TMEM223: variants seen among roughly 807,000 people sequenced by gnomAD.
TMEM223 encodes transmembrane protein 223.
In TMEM223, 14 loss-of-function variants were observed where a neutral mutation model predicts 14.1. The observed-to-expected ratio is 0.99, with a 90% CI of 0.66 to 1.55. TMEM223 has a LOEUF of 1.55. Among genes scored for constraint, TMEM223 ranks in the 40% most tolerant of loss-of-function variants. TMEM223 has a pLI of 0.00. For missense variants in TMEM223, 346 were observed against 269.9 expected, an observed-to-expected ratio of 1.28 and a Z score of -1.97; for synonymous variants, 145 against 120.5, an observed-to-expected ratio of 1.20 and a Z score of -1.33.
At chr11:62,791,115 T>C (rs1207478422) in intron 1 of TMEM223, among the ~76,000 whole-genome samples, 200 bp from the exon 2 acceptor site, 1 of 152,114 alleles carries the variant, frequency 6.6e-6, no homozygotes, top group Non-Finnish European at 1.5e-5. Context: ...ATCTTGTTAT[T>C]CCTCCCAACA....
At chr11:62,786,762 C>T (rs935311519), downstream of TMEM223, 5 of 1,612,804 alleles carry the variant, frequency 3.1e-6, no homozygotes, top group African/African-American at 2.7e-5. Flanking sequence ...GGGAGCTCTA[C>T]GCCTTCTTCG....
chr11:62,781,836 G>A (rs947925940), intron 1 of TMEM223: 72 of 1,388,718 alleles, frequency 5.2e-5, no homozygotes, highest in East Asian at 3.2e-4. Flanking sequence ...GAAGAATACC[G>A]CATTCATGTT....
chr11:62,777,927 G>A (rs188864436), intron 1 of TMEM223: 12 of 1,599,316 alleles, frequency 7.5e-6, no homozygotes, highest in Middle Eastern at 1.7e-4. Context: ...GGATCCTGAC[G>A]CCTGCTCCCT....
chr11:62,780,109 A>G (rs1159211148), intron 1 of TMEM223, among the ~76,000 whole-genome samples: 1 of 150,048 alleles, frequency 6.7e-6, no homozygotes, highest in Admixed American at 6.6e-5. Context: ...ACTTGAAGTC[A>G]GGAGTTCGAG....
chr11:62,778,970 G>A (rs376177697), intron 1 of TMEM223: 69 of 1,612,500 alleles, frequency 4.3e-5, no homozygotes, highest in Non-Finnish European at 5.3e-5. Context: ...GAAGGTGAGC[G>A]AGTGGGCCCA....
Position 62,791,671 on chromosome 11 carries a change from C to T in TMEM223, c.316+8G>A, listed in dbSNP as rs370034485. ...GTTGTCACAGTGGGAAGCCAGCCCA[C>T]GTCTTACCGATGGCGCCGCAGCCGA... On this transcript the variant is annotated splice_region_variant and intron_variant, in intron 1 of 1. Transcript: ENST00000307366. 3 of 1,524,608 alleles carry T rather than the reference C, an allele frequency of 2.0e-6. No individual in the cohort carries two copies. Among genetic ancestry groups the T allele is most frequent in the Non-Finnish European group, 2.6e-6 (3 of 1,135,988 alleles). 94.4% of individuals were successfully genotyped at this position (1,524,608 alleles called of 1,614,324 possible). A position where few individuals can be genotyped will look rare whatever the true frequency, so the allele number is the denominator to read the frequency against.
At chr11:62,776,095 G>A (rs553518735) in intron 1 of TMEM223, among the ~76,000 whole-genome samples, 127 of 152,328 alleles carry the variant, frequency 8.3e-4, no homozygotes, top group African/African-American at 3.0e-3. Context: ...TGGGCTTCCA[G>A]CAGACAAAGC....
chr11:62,772,246 G>T (rs2084154112), intron 2 of TMEM223: 4 of 413,298 alleles, frequency 9.7e-6, no homozygotes, highest in South Asian at 6.9e-5. Context: ...TCGTGGCCGG[G>T]CGCGGTGGCT....
chr11:62,772,024 T>G (rs1372244311), exon 3 of TMEM223: 3 of 450,782 alleles, frequency 6.7e-6, no homozygotes, highest in East Asian at 7.0e-5. Flanking sequence ...GAGTAAAGAT[T>G]AGGAGCAAGG....
At chr11:62,786,161 C>A, downstream of TMEM223, 1 of 1,463,584 alleles carries the variant, frequency 6.8e-7, no homozygotes, top group Non-Finnish European at 9.3e-7. Flanking sequence ...TGAGCCCTGT[C>A]TAGGATCAGA....
chr11:62,788,138 C>CA (rs1565192788), downstream of TMEM223, among the ~76,000 whole-genome samples: 2 of 152,258 alleles, frequency 1.3e-5, no homozygotes, highest in Non-Finnish European at 2.9e-5. Flanking sequence ...CGCGGTGACT[C>CA]ACGCCTGTAA....
downstream of TMEM223, chr11:62,786,784 G>T (rs1468625113): frequency 4.3e-6 from 7 of 1,611,750 alleles, no homozygotes; most frequent in Non-Finnish European, 5.1e-6. Context: ...TGACAGCTTG[G>T]CCACACGCTT....
chr11:62,786,535 C>G (rs749550969), downstream of TMEM223: 1 of 1,552,286 alleles, frequency 6.4e-7, no homozygotes, highest in South Asian at 1.2e-5. Flanking sequence ...AGAGCGACTG[C>G]TGAAGATGAA....
downstream of TMEM223, chr11:62,787,415 C>T (rs1358360835): frequency 2.6e-6 from 4 of 1,557,546 alleles, no homozygotes; most frequent in South Asian, 3.5e-5. Flanking sequence ...GCGGCGCTTC[C>T]TGGTGGTCAG....
At chr11:62,774,560 G>A (rs766930480) in intron 2 of TMEM223, 3 of 454,518 alleles carry the variant, frequency 6.6e-6, no homozygotes, top group Non-Finnish European at 1.3e-5. Context: ...CCTGTCTGAG[G>A]TGTGGATGCA....
chr11:62,778,857 G>GT, intron 1 of TMEM223: 1 of 1,613,186 alleles, frequency 6.2e-7, no homozygotes, highest in Non-Finnish European at 8.5e-7. Context: ...CTTCCTGCCT[G>GT]TCCTCTGGCA....
In TMEM223 at chr11:62,791,931, A is replaced by C; in HGVS notation, c.64T>G (p.Cys22Gly). ...LLAVLRPLLT[C>G]RPLQGTTLQR... is the part of the protein sequence containing the mutation. ...AGCGTCGTGCCTTGCAGGGGCCGGCAGGTGAGCAGGGGCCGCAGCACGGCT... is the reference window on the plus strand; with the variant it reads ...AGCGTCGTGCCTTGCAGGGGCCGGCCGGTGAGCAGGGGCCGCAGCACGGCT... Residue 22 changes from cysteine (C) to glycine (G), a missense_variant, in exon 1 of 2, where the codon TGC becomes GGC. Cys to Gly is a radical substitution (Grantham distance 159). Coordinates refer to ENST00000307366, the MANE Select transcript of TMEM223 (RefSeq NM_001080501.3). 1.3e-6 allele frequency: 2 copies of C among 1,597,118 alleles called. No individual in the cohort carries two copies. Among genetic ancestry groups the C allele is most frequent in the Non-Finnish European group, 1.7e-6 (2 of 1,172,312 alleles).
chr11:62,790,567 C>T lies in TMEM223; in HGVS notation c.*56G>A. On this transcript the variant is annotated 3_prime_UTR_variant, in exon 2 of 2. Transcript: ENST00000307366. ...GGTGTGAACCAACACACCTGGCTCC[C>T]CAAGGTTCAGTTTTTATCCTCCTCT... 1 of 1,504,814 alleles carries T rather than the reference C, an allele frequency of 6.6e-7. No individual in the cohort carries two copies. The highest frequency in any genetic ancestry group is 9.0e-7 in the Non-Finnish European group (1 of 1,112,292). 93.2% of individuals were successfully genotyped at this position (1,504,814 alleles called of 1,614,324 possible). A position where few individuals can be genotyped will look rare whatever the true frequency, so the allele number is the denominator to read the frequency against.
chr11:62,789,018 C>T, downstream of TMEM223: 1 of 1,609,148 alleles, frequency 6.2e-7, no homozygotes, highest in Non-Finnish European at 8.5e-7. Context: ...AGCTTCTCTC[C>T]ACAGGGCTCC....
Sources: allele counts gnomAD v4.1 joint callset (sites outside exome capture counted in the v4.1 genomes callset), GRCh38; gene constraint gnomAD v4.1.1; transcripts MANE v1.5; gene names NCBI Gene and HGNC (gene_info 2026-07-23, HGNC 2026-07-21).